ZNF17: variants seen among roughly 807,000 people sequenced by gnomAD.
ZNF17 encodes zinc finger protein 17, also known as zinc finger protein 17 (HPF3, KOX 10).
A neutral mutation model predicts 7.7 loss-of-function variants in ZNF17; 4 were observed. That is an observed-to-expected ratio of 0.52 (90% CI 0.26 to 1.20). The LOEUF is 1.20. Ranked by LOEUF, ZNF17 falls within the 50% of genes most tolerant of loss-of-function variation. The pLI is 0.14. For synonymous variants in ZNF17, 249 were observed against 258.8 expected, an observed-to-expected ratio of 0.96 and a Z score of 0.36; for missense variants, 738 against 799.5, an observed-to-expected ratio of 0.92 and a Z score of 0.93.
At chr19:57,417,416 T>C (rs1420608442) in intron 2 of ZNF17, among the ~76,000 whole-genome samples, 1 of 152,254 alleles carries the variant, frequency 6.6e-6, no homozygotes, top group African/African-American at 2.4e-5. Flanking sequence ...GAAAGAATCA[T>C]GTGTGATTGT....
At chr19:57,411,540 T>A (rs2088776607) in intron 1 of ZNF17, 134 bp downstream of exon 1, 3 of 1,453,100 alleles carry the variant, frequency 2.1e-6, no homozygotes, top group Non-Finnish European at 2.7e-6. Flanking sequence ...GTGTCCGCGG[T>A]GCTGTGAGGC....
chr19:57,412,095 G>T (rs968119703), intron 1 of ZNF17, among the ~76,000 whole-genome samples: 2 of 152,152 alleles, frequency 1.3e-5, no homozygotes, highest in African/African-American at 4.8e-5. Context: ...CCTTTAGAAA[G>T]GCGCAGACCT....
At chr19:57,414,545 G>A (rs1837778289) in intron 2 of ZNF17, among the ~76,000 whole-genome samples, 1 of 151,524 alleles carries the variant, frequency 6.6e-6, no homozygotes, top group Non-Finnish European at 1.5e-5. Flanking sequence ...ATGTTGGCCA[G>A]GCTGGTCTCG....
chr19:57,416,819 T>G (rs901329165), intron 2 of ZNF17, among the ~76,000 whole-genome samples: 11 of 152,174 alleles, frequency 7.2e-5, no homozygotes, highest in African/African-American at 2.4e-4. Context: ...TGTGCCAGGT[T>G]TTGATGGCGC....
intron 1 of ZNF17, 27 bp downstream of exon 1, chr19:57,411,433 G>C (rs766008103): frequency 1.2e-5 from 19 of 1,607,614 alleles, no homozygotes; most frequent in South Asian, 2.2e-5. Flanking sequence ...AGGGCGCCCC[G>C]CCCGATCCCT....
intron 2 of ZNF17, among the ~76,000 whole-genome samples, chr19:57,415,449 C>G (rs2088805908): frequency 6.6e-6 from 1 of 152,080 alleles, no homozygotes; most frequent in Non-Finnish European, 1.5e-5. Flanking sequence ...GAATGGAGTT[C>G]AATGGAGGTG....
chr19:57,417,465 A>G (rs1306571724), intron 2 of ZNF17, among the ~76,000 whole-genome samples: 1 of 152,182 alleles, frequency 6.6e-6, no homozygotes, highest in African/African-American at 2.4e-5. Flanking sequence ...TCTGGATTAT[A>G]AGAGAAATGT....
intron 2 of ZNF17, among the ~76,000 whole-genome samples, chr19:57,415,797 TAGTG>T (rs775602210): frequency 3.3e-5 from 5 of 152,072 alleles, no homozygotes; most frequent in African/African-American, 7.2e-5. Context: ...GGTGAGATGA[TAGTG>T]AGGTCTGGGA....
Position 57,419,791 on chromosome 19 carries a change from C to G in ZNF17, c.305C>G (p.Ala102Gly). The G allele has an allele frequency of 6.2e-7, 1 of 1,614,168 alleles. No homozygotes were observed. The highest frequency in any genetic ancestry group is 8.5e-7 in the Non-Finnish European group (1 of 1,180,044). ...SSLLKDILHL[A>G]EHDGTHPKRT... ...CTTCTGAAGGACATTCTACACCTGG[C>G]TGAGCATGACGGAACACACCCCAAG... Residue 102 changes from alanine to glycine, a missense_variant, in exon 4 of 4, where the codon GCT becomes GGT. Physicochemically the swap from Ala to Gly is moderately conservative, Grantham distance 60. Coordinates refer to ENST00000307658, the MANE Select transcript of ZNF17 (RefSeq NM_001330617.2).
Position 57,417,914 on chromosome 19 carries a change from T to A in ZNF17, c.24T>A (p.Asp8Glu), listed in dbSNP as rs767887002. 6.2e-7 allele frequency: 1 copy of A among 1,612,686 alleles called. No homozygotes were observed. Among genetic ancestry groups the A allele is most frequent in the South Asian group, 1.1e-5 (1 of 91,022 alleles). The change falls in exon 3 of 4, where the codon GAT becomes GAA. Residue 8 changes from aspartate to glutamate, a missense_variant and splice_region_variant. Asp to Glu is a conservative substitution (Grantham distance 45). Coordinates refer to ENST00000307658, the MANE Select transcript of ZNF17 (RefSeq NM_001330617.2). ...CTAAACTGTTATAATTTTGGCAGGA[T>A]TATATGGTTTTTGAGGACGTGGCCA... is the stretch of plus-strand genomic sequence containing the variant. MLMDAGQ[D>E]YMVFEDVAIH...
chr19:57,420,526 T>C lies in ZNF17; in HGVS notation c.1040T>C (p.Leu347Pro). 1.2e-6 allele frequency: 2 copies of C among 1,614,106 alleles called. No individual in the cohort carries two copies. Among genetic ancestry groups the C allele is most frequent in the Non-Finnish European group, 8.5e-7 (1 of 1,179,942 alleles). The change falls in exon 4 of 4, where the codon CTC becomes CCC. Residue 347 changes from leucine to proline, a missense_variant. By Grantham distance (98) the Leu-to-Pro change is moderately conservative. Coordinates refer to ENST00000307658, the MANE Select transcript of ZNF17 (RefSeq NM_001330617.2). Reference protein sequence around the residue: ...CGKYFMYSSALIRHQKVHTGE... With the variant: ...CGKYFMYSSAPIRHQKVHTGE... ...AAATACTTTATGTACAGTTCAGCAC[T>C]CATTAGACATCAGAAAGTTCACACT...
At chr19:57,417,841 A>G (rs71354048) in intron 2 of ZNF17, 71 bp from the exon 3 acceptor site, 269 of 1,506,236 alleles carry the variant, frequency 1.8e-4, no homozygotes, top group Non-Finnish European at 2.3e-4. Flanking sequence ...GCGAGACTCC[A>G]TCTCAAAAAA....
chr19:57,417,848 A>G, intron 2 of ZNF17, 64 bp from the exon 3 acceptor site: 1 of 1,212,848 alleles, frequency 8.2e-7, no homozygotes, highest in Non-Finnish European at 1.1e-6. Flanking sequence ...TCCATCTCAA[A>G]AAAAAAAAAA....
At chr19:57,413,322 C>G (rs2088790509) in intron 1 of ZNF17, 1 of 389,498 alleles carries the variant, frequency 2.6e-6, no homozygotes, top group Admixed American at 3.9e-5. Context: ...AATATTTAAT[C>G]CAGTAGAAAG....
chr19:57,415,112 A>G (rs888990618), intron 2 of ZNF17, among the ~76,000 whole-genome samples: 5 of 152,058 alleles, frequency 3.3e-5, no homozygotes, highest in Non-Finnish European at 5.9e-5. Flanking sequence ...TTCCTGCCAC[A>G]GTCCAGTGGA....
chr19:57,421,219 A>C lies in ZNF17; in HGVS notation c.1733A>C (p.His578Pro). 6.2e-7 allele frequency: 1 copy of C among 1,614,180 alleles called. No individual in the cohort carries two copies. Among genetic ancestry groups the C allele is most frequent in the African/African-American group, 1.3e-5 (1 of 75,048 alleles). Residue 578 changes from histidine to proline, a missense_variant, in exon 4 of 4, where the codon CAC becomes CCC. Physicochemically the swap from His to Pro is moderately conservative, Grantham distance 77 (BLOSUM62 -2). Around this residue, in one of 3 missense-constraint regions of ZNF17, gnomAD observed 116 missense variants for 114.0 expected, o/e 1.02. Transcript: ENST00000307658. ...CACCTCATTCGGCACCAAAAAGTTC[A>C]CACTAGGGAAAGAACTTACAAATGC... The part of the protein sequence containing the change: ...NSHLIRHQKV[H>P]TRERTYKCSK...
At chr19:57,413,485 G>A in intron 1 of ZNF17, 111 bp from the exon 2 acceptor site, 1 of 1,159,168 alleles carries the variant, frequency 8.6e-7, no homozygotes, top group East Asian at 2.6e-5. Flanking sequence ...AGGACTTACT[G>A]TGTACCCTCA....
At chr19:57,414,160 A>C (rs1450980317) in intron 2 of ZNF17, among the ~76,000 whole-genome samples, 1 of 152,050 alleles carries the variant, frequency 6.6e-6, no homozygotes, top group Non-Finnish European at 1.5e-5. Flanking sequence ...CGGCCTCCCG[A>C]GTAGCTGGGA....
chr19:57,421,065 C>A lies in ZNF17; in HGVS notation c.1579C>A (p.Pro527Thr), dbSNP rs747761149. The A allele has an allele frequency of 1.2e-6, 2 of 1,614,176 alleles. No individual in the cohort carries two copies. Among genetic ancestry groups the A allele is most frequent in the Non-Finnish European group, 1.7e-6 (2 of 1,180,010 alleles). ...TCAGAGAATTCACACTGGTGAAAGG[C>A]CTTATGAGTGTAGTGAATGTGGGAA... ...THQRIHTGERPYECSECGKFF... is the reference protein window; with the variant it reads ...THQRIHTGERTYECSECGKFF... Residue 527 changes from proline (P) to threonine (T), a missense_variant, in exon 4 of 4, where the codon CCT becomes ACT. Physicochemically the swap from Pro to Thr is conservative, Grantham distance 38 (BLOSUM62 -1). Transcript: ENST00000307658.
Sources: allele counts gnomAD v4.1 joint callset (sites outside exome capture counted in the v4.1 genomes callset), GRCh38; gene constraint gnomAD v4.1.1; regional missense constraint gnomAD v4.1.1; transcripts MANE v1.5; gene names NCBI Gene and HGNC (gene_info 2026-07-23, HGNC 2026-07-21).